The following DCP1A variants were observed in gnomAD, a reference collection of about 807,000 sequenced individuals.
DCP1A encodes the protein mRNA-decapping enzyme 1A.
In DCP1A, 20 loss-of-function variants were observed where a neutral mutation model predicts 58.0. The observed-to-expected ratio is 0.34, with a 90% CI of 0.24 to 0.50. The LOEUF is 0.50. DCP1A is among the 20% of genes least tolerant of loss of function. The pLI, the probability that DCP1A is intolerant of heterozygous loss-of-function variation, is 0.98. For synonymous variants in DCP1A, 285 were observed against 275.1 expected (o/e 1.04, Z -0.36); for missense variants, 613 against 712.2 (o/e 0.86, Z 1.59).
chr3:53,306,957 G>T (rs1553688138), intron 5 of DCP1A, among the ~76,000 whole-genome samples: 6 of 125,482 alleles, frequency 4.8e-5, no homozygotes, highest in Non-Finnish European at 1.7e-5. Context: ...TTTTTTTGTG[G>T]ACTGAGTCCT....
chr3:53,326,982 C>G (rs79221748), intron 3 of DCP1A, among the ~76,000 whole-genome samples: 18 of 146,632 alleles, frequency 1.2e-4, no homozygotes, highest in South Asian at 8.5e-4. Context: ...TCCAACCCCC[C>G]CCCCCCAACT....
rs77877361 is a variant in DCP1A, at chr3:53,337,544, A to G, written c.304+4600T>C. ...TGGTTTAAATGATTTAGCCAAGGTTATAGTCAGTAAGGCAAAGCCCAGAAT... is the reference window on the plus strand; with the variant it reads ...TGGTTTAAATGATTTAGCCAAGGTTGTAGTCAGTAAGGCAAAGCCCAGAAT... On this transcript the variant is annotated intron_variant, in intron 3 of 9. Coordinates refer to ENST00000610213, the MANE Select transcript of DCP1A (RefSeq NM_018403.7). Among the ~76,000 whole-genome samples the G allele has an allele frequency of 1.0e-2, 1,518 of 152,366 alleles. 20 individuals carry two copies. Among genetic ancestry groups the G allele is most frequent in the African/African-American group, 0.034 (1,402 of 41,578 alleles).
At chr3:53,314,950 G>T (rs1460763385) in intron 4 of DCP1A, among the ~76,000 whole-genome samples, 1 of 151,988 alleles carries the variant, frequency 6.6e-6, no homozygotes, top group Non-Finnish European at 1.5e-5. Flanking sequence ...GGGATTACAG[G>T]CGTGAGCCAC....
At chr3:53,345,969 C>T (rs2089286882) in intron 1 of DCP1A, among the ~76,000 whole-genome samples, 1 of 152,016 alleles carries the variant, frequency 6.6e-6, no homozygotes, top group African/African-American at 2.4e-5. Flanking sequence ...TGCCAGGATC[C>T]AAATAAACAG....
chr3:53,292,846 C>T lies in DCP1A; in HGVS notation c.625-19G>A. 1 of 1,587,568 alleles carries T rather than the reference C, an allele frequency of 6.3e-7. No individual in the cohort carries two copies. The highest frequency in any genetic ancestry group is 8.5e-7 in the Non-Finnish European group (1 of 1,172,390). On this transcript the variant is annotated intron_variant, in intron 6 of 9. Transcript: ENST00000610213. ...GAGCAGACTGAAAAACAAATGAAAC[C>T]ACCCAGTCAAAGAGGTCTGTTATAA...
At chr3:53,341,644 A>G (rs2089206148) in intron 3 of DCP1A, among the ~76,000 whole-genome samples, 2 of 152,188 alleles carry the variant, frequency 1.3e-5, no homozygotes, top group African/African-American at 4.8e-5. Context: ...ATGTAGTGCT[A>G]TTAAATGAAA....
intron 3 of DCP1A, among the ~76,000 whole-genome samples, chr3:53,333,592 C>T (rs1357560940): frequency 6.6e-6 from 1 of 151,790 alleles, no homozygotes; most frequent in Non-Finnish European, 1.5e-5. Flanking sequence ...TCACTTGTGG[C>T]CAGGAGGTCG....
Position 53,285,953 on chromosome 3 carries a change from G to C in DCP1A, c.*1627C>G, listed in dbSNP as rs1706618377. 1 of 152,142 alleles carries C rather than the reference G, an allele frequency of 6.6e-6. No homozygotes were observed. The highest frequency in any genetic ancestry group is 1.5e-5 in the Non-Finnish European group (1 of 68,014). 9.4% of individuals were successfully genotyped at this position (152,142 alleles called of 1,614,324 possible). A position where few individuals can be genotyped will look rare whatever the true frequency, so the allele number is the denominator to read the frequency against. ...AGCATGAAAACTTATAAGCTTCCCT[G>C]AATTCTGCACAATTCACACATAATT... On this transcript the variant is annotated 3_prime_UTR_variant, in exon 10 of 10. Coordinates refer to ENST00000610213, the MANE Select transcript of DCP1A (RefSeq NM_018403.7).
chr3:53,316,646 T>A (rs1553689284), intron 4 of DCP1A, among the ~76,000 whole-genome samples: 1 of 140,212 alleles, frequency 7.1e-6, no homozygotes, highest in Non-Finnish European at 1.5e-5. Context: ...TCTTGCTATA[T>A]CAGGCCAGGA....
intron 3 of DCP1A, among the ~76,000 whole-genome samples, chr3:53,341,525 C>T (rs982562858): frequency 7.9e-5 from 12 of 152,102 alleles, no homozygotes; most frequent in African/African-American, 2.9e-4. Flanking sequence ...CTGTTCCCAT[C>T]CTGTGTGTCC....
intron 3 of DCP1A, among the ~76,000 whole-genome samples, chr3:53,328,700 T>C (rs1708177865): frequency 6.6e-6 from 1 of 152,240 alleles, no homozygotes; most frequent in African/African-American, 2.4e-5. Flanking sequence ...AAGCAGCGCC[T>C]ACAATGAGCC....
At chr3:53,310,373 T>A (rs1389895691) in intron 5 of DCP1A, among the ~76,000 whole-genome samples, 1 of 152,260 alleles carries the variant, frequency 6.6e-6, no homozygotes, top group Non-Finnish European at 1.5e-5. Flanking sequence ...TTTCCTACTT[T>A]CTCGTTGTGG....
At position 53,283,639 on chromosome 3, in the gene DCP1A, G is replaced by C. The variant is rs1180750947; in HGVS notation, c.*3941C>G. ...TCTTGCTGTAATTCCAGAGCTTCTCGTCCCCATGTTTCAGGGAGCTGAGAA... is the reference window on the plus strand; with the variant it reads ...TCTTGCTGTAATTCCAGAGCTTCTCCTCCCCATGTTTCAGGGAGCTGAGAA... On this transcript the variant is annotated 3_prime_UTR_variant, in exon 10 of 10. Transcript: ENST00000610213. 2 of 152,076 alleles carry C rather than the reference G, an allele frequency of 1.3e-5. No homozygotes were observed. The highest frequency in any genetic ancestry group is 2.9e-5 in the Non-Finnish European group (2 of 68,024). The allele number at this position is 152,076 out of a possible 1,614,324, so 9.4% of individuals were successfully genotyped here. A position where few individuals can be genotyped will look rare whatever the true frequency, so the allele number is the denominator to read the frequency against.
At chr3:53,341,526 C>T (rs2089203139) in intron 3 of DCP1A, among the ~76,000 whole-genome samples, 1 of 152,072 alleles carries the variant, frequency 6.6e-6, no homozygotes, top group Non-Finnish European at 1.5e-5. Flanking sequence ...TGTTCCCATC[C>T]TGTGTGTCCC....
intron 6 of DCP1A, among the ~76,000 whole-genome samples, chr3:53,298,308 T>C (rs1165967248): frequency 2.6e-5 from 4 of 152,220 alleles, no homozygotes; most frequent in African/African-American, 9.6e-5. Flanking sequence ...AGAAAGTTTC[T>C]AGATTCTCTA....
chr3:53,341,070 CCTTA>C (rs1369554898), intron 3 of DCP1A, among the ~76,000 whole-genome samples: 1 of 151,986 alleles, frequency 6.6e-6, no homozygotes, highest in Admixed American at 6.6e-5. Flanking sequence ...GATAGAAAAA[CCTTA>C]CTTAGAAACA....
chr3:53,291,943 T>C, intron 7 of DCP1A, 126 bp downstream of exon 7: 1 of 1,053,406 alleles, frequency 9.5e-7, no homozygotes, highest in Non-Finnish European at 1.3e-6. Context: ...TCCGAGCCTC[T>C]GACATACTTT....
intron 6 of DCP1A, among the ~76,000 whole-genome samples, chr3:53,297,404 A>T (rs1467465574): frequency 6.6e-6 from 1 of 150,496 alleles, no homozygotes; most frequent in Non-Finnish European, 1.5e-5. Flanking sequence ...GCTGTCACCC[A>T]GGCTGGAGTG....
chr3:53,288,097 G>T lies in DCP1A; in HGVS notation c.1636C>A (p.Gln546Lys), dbSNP rs782055343. 1 of 1,613,964 alleles carries T rather than the reference G, an allele frequency of 6.2e-7. No individual in the cohort carries two copies. The highest frequency in any genetic ancestry group is 2.2e-5 in the East Asian group (1 of 44,890). ...RKPSIILSKSQLQDTLIHLIK... is the reference protein window; with the variant it reads ...RKPSIILSKSKLQDTLIHLIK... ...AGATGTATTAATGTATCCTGGAGCTGAGACTTGCTGAGAATAATGGAAGGC... is the reference window on the plus strand; with the variant it reads ...AGATGTATTAATGTATCCTGGAGCTTAGACTTGCTGAGAATAATGGAAGGC... Residue 546 changes from glutamine (Q) to lysine (K), a missense_variant, in exon 9 of 10, where the codon CAG becomes AAG. By Grantham distance (53) the Gln-to-Lys change is moderately conservative. This residue lies in a region of DCP1A where 498 missense variants were observed against 556.7 expected (regional missense o/e 0.89). Transcript: ENST00000610213.
Sources: gnomAD v4.1 joint callset for allele counts (sites outside exome capture counted in the v4.1 genomes callset) on GRCh38, gnomAD v4.1.1 for gene constraint, gnomAD v4.1.1 regional missense constraint, MANE v1.5 for transcripts, NCBI Gene and HGNC (gene_info 2026-07-23, HGNC 2026-07-21) for gene names.